GALNT13: variants seen among roughly 807,000 people sequenced by gnomAD.
GALNT13 encodes UDP-GalNAc:polypeptide N-acetylgalactosaminyltransferase 13.
In GALNT13, 28 loss-of-function variants were observed where a neutral mutation model predicts 64.2. That is an observed-to-expected ratio of 0.44 (90% CI 0.32 to 0.60). GALNT13 has a LOEUF of 0.60. Among genes scored for constraint, GALNT13 ranks in the 20% least tolerant of loss-of-function variants. The pLI, the probability that GALNT13 is intolerant of heterozygous loss-of-function variation, is 0.05. For synonymous variants in GALNT13, 214 were observed against 224.6 expected (o/e 0.95, Z 0.42); for missense variants, 577 against 669.8 (o/e 0.86, Z 1.53).
At chr2:154,318,604 A>G (rs1694450643) in intron 9 of GALNT13, among the ~76,000 whole-genome samples, 1 of 152,090 alleles carries the variant, frequency 6.6e-6, no homozygotes, top group African/African-American at 2.4e-5. Flanking sequence ...ATACGCCTGT[A>G]ATCCCAGCTA....
the GALNT13 span, among the ~76,000 whole-genome samples, chr2:153,712,619 G>A: frequency 6.6e-6 from 1 of 152,068 alleles, no homozygotes; most frequent in African/African-American, 2.4e-5. Flanking sequence ...TGTTTCTCTT[G>A]TACTTGCAGA....
the GALNT13 span, among the ~76,000 whole-genome samples, chr2:153,355,961 G>A: frequency 6.6e-6 from 1 of 152,188 alleles, no homozygotes; most frequent in Non-Finnish European, 1.5e-5. Flanking sequence ...ATGAGCTTTG[G>A]AGTTAAGATA....
the GALNT13 span, among the ~76,000 whole-genome samples, chr2:153,383,442 G>T: frequency 2.6e-5 from 4 of 152,088 alleles, no homozygotes; most frequent in South Asian, 8.3e-4. Flanking sequence ...ATTAACCAAG[G>T]TTAATTATGT....
At chr2:154,383,645 A>C (rs1330091289) in intron 9 of GALNT13, among the ~76,000 whole-genome samples, 1 of 151,978 alleles carries the variant, frequency 6.6e-6, no homozygotes, top group Non-Finnish European at 1.5e-5. Context: ...CAGAATGCTG[A>C]CTAAATACAG....
the GALNT13 span, among the ~76,000 whole-genome samples, chr2:153,258,423 G>C: frequency 7.6e-6 from 1 of 131,218 alleles, no homozygotes; most frequent in African/African-American, 2.7e-5. Context: ...TCATTTTGTT[G>C]ATCTCTTGTA....
chr2:153,439,251 G>A, the GALNT13 span, among the ~76,000 whole-genome samples: 1 of 152,168 alleles, frequency 6.6e-6, no homozygotes, highest in Non-Finnish European at 1.5e-5. Context: ...CTCCCAGTTA[G>A]GCTCCTCAGG....
At chr2:153,933,684 G>A (rs1310155699) in intron 2 of GALNT13, among the ~76,000 whole-genome samples, 1 of 152,088 alleles carries the variant, frequency 6.6e-6, no homozygotes, top group African/African-American at 2.4e-5. Context: ...TATAGCGTCA[G>A]TGGGCTATTT....
chr2:153,640,738 T>C, the GALNT13 span, among the ~76,000 whole-genome samples: 3 of 152,058 alleles, frequency 2.0e-5, no homozygotes, highest in Admixed American at 6.6e-5. Flanking sequence ...GCCGAGATAT[T>C]GCCACAGCAC....
chr2:153,495,098 CTTT>C, the GALNT13 span, among the ~76,000 whole-genome samples: 2 of 151,766 alleles, frequency 1.3e-5, no homozygotes, highest in Non-Finnish European at 2.9e-5. Context: ...TTTTGCCTTT[CTTT>C]TTTTTCCCTT....
intron 11 of GALNT13, among the ~76,000 whole-genome samples, chr2:154,411,655 A>G (rs1191311491): frequency 6.6e-6 from 1 of 151,826 alleles, no homozygotes; most frequent in African/African-American, 2.4e-5. Flanking sequence ...ATCTATCTGG[A>G]ATATAGATTG....
At chr2:153,253,140 T>A in the GALNT13 span, among the ~76,000 whole-genome samples, 2 of 151,612 alleles carry the variant, frequency 1.3e-5, no homozygotes, top group Non-Finnish European at 2.9e-5. Flanking sequence ...TCCTCTTATT[T>A]CCTTGAGCAG....
the GALNT13 span, among the ~76,000 whole-genome samples, chr2:153,690,065 C>CAGAAA: frequency 6.6e-6 from 1 of 152,052 alleles, no homozygotes; most frequent in Non-Finnish European, 1.5e-5. Context: ...TCTGTAAAAT[C>CAGAAA]TACAATTAAA....
At chr2:154,383,222 A>C (rs1698357493) in intron 9 of GALNT13, among the ~76,000 whole-genome samples, 1 of 151,994 alleles carries the variant, frequency 6.6e-6, no homozygotes, top group Non-Finnish European at 1.5e-5. Context: ...TATACACAAG[A>C]AAACAACAGA....
At chr2:153,114,874 A>G in the GALNT13 span, among the ~76,000 whole-genome samples, 1 of 151,670 alleles carries the variant, frequency 6.6e-6, no homozygotes, top group Non-Finnish European at 1.5e-5. Context: ...ATAGCATAGT[A>G]GTTAAACATT....
At chr2:153,697,791 A>G in the GALNT13 span, among the ~76,000 whole-genome samples, 4 of 152,210 alleles carry the variant, frequency 2.6e-5, no homozygotes, top group African/African-American at 9.7e-5. Context: ...GAGAGTTTTG[A>G]ACCTAGGGGT....
At chr2:154,248,992 G>A (rs1335910570) in intron 7 of GALNT13, among the ~76,000 whole-genome samples, 4 of 151,996 alleles carry the variant, frequency 2.6e-5, no homozygotes, top group South Asian at 2.1e-4. Context: ...CCTGGGAAAT[G>A]GCTGAGTTTG....
the GALNT13 span, among the ~76,000 whole-genome samples, chr2:153,148,846 C>T: frequency 6.6e-6 from 1 of 151,724 alleles, no homozygotes; most frequent in African/African-American, 2.4e-5. Context: ...AACATCAAAA[C>T]TTAGGAGGTT....
chr2:154,051,391 C>T (rs936811560), intron 3 of GALNT13, among the ~76,000 whole-genome samples: 1 of 149,514 alleles, frequency 6.7e-6, no homozygotes, highest in Non-Finnish European at 1.5e-5. Context: ...CCCGGGTTCA[C>T]GCCATTCTCC....
chr2:153,695,532 G>A, the GALNT13 span, among the ~76,000 whole-genome samples: 2 of 152,176 alleles, frequency 1.3e-5, no homozygotes, highest in African/African-American at 4.8e-5. Context: ...ATGATCAGCG[G>A]AATTGATGGA....
Sources: allele counts gnomAD v4.1 joint callset (sites outside exome capture counted in the v4.1 genomes callset), GRCh38; gene constraint gnomAD v4.1.1; transcripts MANE v1.5; gene names NCBI Gene and HGNC (gene_info 2026-07-23, HGNC 2026-07-21).